Variants in DISC1 observed in about 807,000 individuals in gnomAD.
DISC1 encodes DISC1 scaffold protein, also known as disrupted in schizophrenia 1 protein.
DISC1 carries 57 observed loss-of-function variants against 84.5 expected under a neutral mutation model. The ratio of observed to expected loss-of-function variants is 0.67; its 90% confidence interval spans 0.55 to 0.84. The LOEUF (loss-of-function observed/expected upper bound fraction) is 0.84, where lower values mean the gene tolerates loss of function less well. Among genes scored for constraint, DISC1 ranks in the 40% least tolerant of loss-of-function variants. The probability of loss-of-function intolerance (pLI) is 0.00; values close to 1 mark genes in which losing one functional copy is unlikely to be tolerated. For synonymous variants in DISC1, 411 were observed against 415.2 expected, an observed-to-expected ratio of 0.99 and a Z score of 0.12; for missense variants, 1,000 against 1,057.8, an observed-to-expected ratio of 0.95 and a Z score of 0.76.
At chr1:231,853,942 A>T (rs1250673634) in intron 9 of DISC1, among the ~76,000 whole-genome samples, 1 of 152,210 alleles carries the variant, frequency 6.6e-6, no homozygotes, top group East Asian at 1.9e-4. Flanking sequence ...TTTAGCAGCT[A>T]AACTGACAAT....
chr1:231,901,341 A>G lies in DISC1; in HGVS notation c.1982-57487A>G, dbSNP rs58537212. Among the ~76,000 whole-genome samples, 1,040 of 152,356 alleles carry G rather than the reference A, an allele frequency of 6.8e-3. 9 individuals are homozygous for G. The highest frequency in any genetic ancestry group is 0.023 in the African/African-American group (975 of 41,578). ...ACGAAAATTGAGTAAATTTAATTTT[A>G]GAACATTCTAATTTCACCAATTTTG... is the stretch of plus-strand genomic sequence containing the variant. On this transcript the variant is annotated intron_variant, in intron 9 of 12. Transcript: ENST00000439617.
intron 11 of DISC1, among the ~76,000 whole-genome samples, chr1:232,017,681 C>T (rs1668611084): frequency 6.6e-6 from 1 of 152,130 alleles, no homozygotes; most frequent in South Asian, 2.1e-4. Context: ...GCTAGAGCTA[C>T]AGGTACTAAC....
At chr1:231,760,522 G>A (rs368349427) in intron 4 of DISC1, among the ~76,000 whole-genome samples, 7 of 152,142 alleles carry the variant, frequency 4.6e-5, no homozygotes, top group South Asian at 2.1e-4. Flanking sequence ...CCTCAGGACC[G>A]CATTTTTCTA....
intron 3 of DISC1, among the ~76,000 whole-genome samples, chr1:231,740,565 C>A (rs1206261922): frequency 3.3e-5 from 5 of 152,190 alleles, no homozygotes; most frequent in Non-Finnish European, 5.9e-5. Flanking sequence ...CTGCAGCGCA[C>A]ATGGAGTCCT....
chr1:231,868,900 A>G (rs2085261297), intron 9 of DISC1, among the ~76,000 whole-genome samples: 2 of 151,290 alleles, frequency 1.3e-5, no homozygotes, highest in African/African-American at 4.8e-5. Context: ...AGGAAAAAAA[A>G]AAAAAAAGAG....
At chr1:231,693,488 G>A (rs956559690) in intron 1 of DISC1, among the ~76,000 whole-genome samples, 19 of 152,162 alleles carry the variant, frequency 1.2e-4, no homozygotes, top group African/African-American at 4.6e-4. Context: ...GAGTACTGAG[G>A]TGCCATAAAA....
At chr1:231,834,733 A>T (rs1450310775) in intron 9 of DISC1, among the ~76,000 whole-genome samples, 1 of 151,822 alleles carries the variant, frequency 6.6e-6, no homozygotes, top group African/African-American at 2.4e-5. Context: ...GAGAAAAGAG[A>T]GAGTAGAGAC....
rs192200577 is a variant in DISC1, at chr1:232,025,751, T to C, written c.2308-684T>C. ...AGCTGGGACTACAGGCGCCCGCCACTACGCCCGGCTAATTTTTTGTATTCT... is the reference window on the plus strand; with the variant it reads ...AGCTGGGACTACAGGCGCCCGCCACCACGCCCGGCTAATTTTTTGTATTCT... On this transcript the variant is annotated intron_variant, in intron 11 of 12. Coordinates refer to ENST00000439617, the MANE Select transcript of DISC1 (RefSeq NM_018662.3). Among the ~76,000 whole-genome samples, 932 of 152,066 alleles carry C rather than the reference T, an allele frequency of 6.1e-3. 4 individuals carry two copies. Among genetic ancestry groups the C allele is most frequent in the Middle Eastern group, 0.01 (3 of 294 alleles).
chr1:231,657,812 A>C (rs1407049670), intron 1 of DISC1, among the ~76,000 whole-genome samples: 1 of 151,912 alleles, frequency 6.6e-6, no homozygotes, highest in Non-Finnish European at 1.5e-5. Context: ...CTTATTTCTG[A>C]GTTCTGTATT....
chr1:231,883,819 C>T (rs2086469190), intron 9 of DISC1, among the ~76,000 whole-genome samples: 1 of 152,116 alleles, frequency 6.6e-6, no homozygotes, highest in Non-Finnish European at 1.5e-5. Flanking sequence ...GCAGGAGAAA[C>T]ATGATGCGTT....
intron 9 of DISC1, among the ~76,000 whole-genome samples, chr1:231,915,259 C>G (rs532023792): frequency 6.6e-6 from 1 of 152,268 alleles, no homozygotes; most frequent in South Asian, 2.1e-4. Flanking sequence ...GATTGTGCAG[C>G]TTCTATCTTT....
chr1:231,857,447 G>A (rs2084349940), intron 9 of DISC1, among the ~76,000 whole-genome samples: 1 of 152,208 alleles, frequency 6.6e-6, no homozygotes, highest in African/African-American at 2.4e-5. Context: ...GTGTGAAGAC[G>A]CCACTGGCCT....
At chr1:231,968,842 G>A (rs894453801) in intron 10 of DISC1, among the ~76,000 whole-genome samples, 1 of 151,966 alleles carries the variant, frequency 6.6e-6, no homozygotes, top group Non-Finnish European at 1.5e-5. Context: ...TAGATTCAAG[G>A]GTGGCCATTT....
At chr1:231,781,644 G>A (rs1021931663) in intron 6 of DISC1, among the ~76,000 whole-genome samples, 2 of 152,120 alleles carry the variant, frequency 1.3e-5, no homozygotes, top group African/African-American at 2.4e-5. Flanking sequence ...GAACCGTTCT[G>A]TACTTAATTT....
At chr1:231,913,872 C>T (rs565372053) in intron 9 of DISC1, among the ~76,000 whole-genome samples, 1 of 152,336 alleles carries the variant, frequency 6.6e-6, no homozygotes, top group African/African-American at 2.4e-5. Context: ...TGTCCATCTC[C>T]TCTCCTCAGC....
chr1:231,859,844 C>T (rs560542273), intron 9 of DISC1, among the ~76,000 whole-genome samples: 14 of 152,206 alleles, frequency 9.2e-5, no homozygotes, highest in African/African-American at 1.4e-4. Flanking sequence ...TTGTGTTAGT[C>T]GAAAACTGAG....
intron 9 of DISC1, among the ~76,000 whole-genome samples, chr1:231,849,314 T>G (rs2083699697): frequency 6.6e-6 from 1 of 152,098 alleles, no homozygotes; most frequent in African/African-American, 2.4e-5. Context: ...GAGACGGGGT[T>G]TCTCCCTGTT....
At chr1:231,878,507 AG>A (rs1039640110) in intron 9 of DISC1, among the ~76,000 whole-genome samples, 1 of 152,148 alleles carries the variant, frequency 6.6e-6, no homozygotes, top group African/African-American at 2.4e-5. Flanking sequence ...GGGAGCTGAG[AG>A]GGGTAGCCCT....
chr1:231,695,601 G>A (rs772009699), intron 2 of DISC1, among the ~76,000 whole-genome samples: 4 of 150,118 alleles, frequency 2.7e-5, no homozygotes, highest in Non-Finnish European at 5.9e-5. Context: ...GTGTATGTGT[G>A]TGCATGTAGG....
Sources: allele counts gnomAD v4.1 joint callset (sites outside exome capture counted in the v4.1 genomes callset), GRCh38; gene constraint gnomAD v4.1.1; transcripts MANE v1.5; gene names NCBI Gene and HGNC (gene_info 2026-07-23, HGNC 2026-07-21).